The following ARL15 variants were observed in gnomAD, a reference collection of about 807,000 sequenced individuals.
ARL15 encodes ARF like GTPase 15, also known as ADP-ribosylation factor-like protein 15.
ARL15 carries 19 observed loss-of-function variants against 25.2 expected under a neutral mutation model. The ratio of observed to expected loss-of-function variants is 0.75; its 90% CI spans 0.53 to 1.10. The LOEUF (loss-of-function observed/expected upper bound fraction) is 1.10. ARL15 is among the 50% of genes least tolerant of loss of function. ARL15 has a pLI of 0.00. For missense variants in ARL15, 220 were observed against 246.0 expected, an observed-to-expected ratio of 0.89 and a Z score of 0.71; for synonymous variants, 94 against 86.8, an observed-to-expected ratio of 1.08 and a Z score of -0.46.
intron 1 of ARL15, among the ~76,000 whole-genome samples, chr5:54,298,602 TA>T (rs1758530036): frequency 6.6e-6 from 1 of 152,054 alleles, no homozygotes; most frequent in African/African-American, 2.4e-5. Flanking sequence ...GAATGTCTCA[TA>T]AAACATTCAT....
intron 4 of ARL15, among the ~76,000 whole-genome samples, chr5:54,060,153 C>G (rs1033372983): frequency 8.5e-6 from 1 of 117,388 alleles, no homozygotes; most frequent in Non-Finnish European, 1.7e-5. Context: ...AAAAAAAAAA[C>G]CCCGGGTGCG....
intron 1 of ARL15, among the ~76,000 whole-genome samples, chr5:54,256,113 T>C (rs1422922125): frequency 2.0e-5 from 3 of 150,408 alleles, no homozygotes; most frequent in African/African-American, 7.3e-5. Context: ...AAACAAAAGA[T>C]TAATAAAACA....
intron 1 of ARL15, among the ~76,000 whole-genome samples, chr5:54,281,490 G>A (rs1375161794): frequency 9.9e-5 from 15 of 152,202 alleles, no homozygotes; most frequent in Admixed American, 7.2e-4. Context: ...TCAACCTCAC[G>A]CTATTGACAT....
intron 1 of ARL15, among the ~76,000 whole-genome samples, chr5:54,198,376 C>T (rs1353134045): frequency 2.0e-5 from 3 of 151,672 alleles, no homozygotes; most frequent in Non-Finnish European, 2.9e-5. Context: ...GCAGACGACA[C>T]AATTGGATAT....
chr5:54,162,437 C>T (rs573129455), intron 2 of ARL15, among the ~76,000 whole-genome samples: 31 of 152,316 alleles, frequency 2.0e-4, no homozygotes, highest in South Asian at 8.3e-4. Flanking sequence ...TTCCTCCATA[C>T]ACTAGCAAAC....
intron 4 of ARL15, among the ~76,000 whole-genome samples, chr5:53,905,715 T>G (rs1745228391): frequency 6.6e-6 from 1 of 152,214 alleles, no homozygotes; most frequent in African/African-American, 2.4e-5. Flanking sequence ...TTTGGTAAAA[T>G]GCCAATTCCA....
intron 2 of ARL15, among the ~76,000 whole-genome samples, chr5:54,162,140 C>T (rs1012014971): frequency 4.6e-5 from 7 of 152,052 alleles, no homozygotes; most frequent in Non-Finnish European, 1.0e-4. Context: ...TGTGGATCCC[C>T]GATAACTAAA....
At chr5:54,216,287 C>A (rs1756203812) in intron 1 of ARL15, among the ~76,000 whole-genome samples, 1 of 152,130 alleles carries the variant, frequency 6.6e-6, no homozygotes, top group Non-Finnish European at 1.5e-5. Context: ...ATCATAGAGG[C>A]AGTGGTTTCA....
intron 4 of ARL15, among the ~76,000 whole-genome samples, chr5:53,976,968 A>T (rs1747945824): frequency 6.6e-6 from 1 of 152,250 alleles, no homozygotes; most frequent in Non-Finnish European, 1.5e-5. Context: ...TATAACAAAC[A>T]TAAATTAATT....
intron 4 of ARL15, among the ~76,000 whole-genome samples, chr5:54,028,293 A>G (rs1749853301): frequency 6.6e-6 from 1 of 152,172 alleles, no homozygotes; most frequent in African/African-American, 2.4e-5. Flanking sequence ...CATAACTGCA[A>G]TCGGTCAAAA....
chr5:54,067,491 T>C (rs1326574273), intron 4 of ARL15, among the ~76,000 whole-genome samples: 3 of 152,188 alleles, frequency 2.0e-5, no homozygotes, highest in Non-Finnish European at 4.4e-5. Context: ...TCTTCATTTA[T>C]TCAGTTACAT....
intron 4 of ARL15, among the ~76,000 whole-genome samples, chr5:54,111,068 A>G (rs986357341): frequency 6.6e-6 from 1 of 152,086 alleles, no homozygotes; most frequent in African/African-American, 2.4e-5. Context: ...TAATGGAATT[A>G]GCCCATGTAT....
At chr5:54,052,872 T>A (rs181222331) in intron 4 of ARL15, among the ~76,000 whole-genome samples, 4 of 152,194 alleles carry the variant, frequency 2.6e-5, no homozygotes, top group Non-Finnish European at 5.9e-5. Flanking sequence ...TGACCAGGGC[T>A]TCTTCAACAA....
At position 54,310,518 on chromosome 5, in the gene ARL15, A is replaced by G. The variant is rs1758870182; in HGVS notation, c.-39T>C. The G allele has an allele frequency of 1.9e-6, 3 of 1,557,132 alleles. No individual in the cohort carries two copies. Among genetic ancestry groups the G allele is most frequent in the South Asian group, 1.2e-5 (1 of 84,420 alleles). On this transcript the variant is annotated 5_prime_UTR_variant, in exon 1 of 5. Transcript: ENST00000504924. Reference sequence around the variant, plus strand: ...GCATCCGGAACGGCTCCGAACCCGGAAAAAAAAAGCAGCGTCTCTGGCTGC... The same window carrying G: ...GCATCCGGAACGGCTCCGAACCCGGGAAAAAAAAGCAGCGTCTCTGGCTGC...
intron 4 of ARL15, among the ~76,000 whole-genome samples, chr5:53,895,702 A>C (rs1744849397): frequency 6.6e-6 from 1 of 152,176 alleles, no homozygotes; most frequent in Non-Finnish European, 1.5e-5. Context: ...ATATCTTTTC[A>C]ATTTTAACAA....
rs116021492 is a variant in ARL15, at chr5:54,049,365, C to T, written c.462+63837G>A. On this transcript the variant is annotated intron_variant, in intron 4 of 4. Coordinates refer to ENST00000504924, the MANE Select transcript of ARL15 (RefSeq NM_019087.3). ...TTTCCACCCTAGCCTCCCAGTAAGT[C>T]CCTCAGCTGGGACTGCAGGCATGAG... is the stretch of plus-strand genomic sequence containing the variant. Among the ~76,000 whole-genome samples the T allele has an allele frequency of 7.1e-3, 1,072 of 151,540 alleles. 12 individuals carry two copies. Among genetic ancestry groups the T allele is most frequent in the African/African-American group, 0.025 (1,032 of 41,280 alleles).
At chr5:54,222,845 A>G (rs1756414510) in intron 1 of ARL15, among the ~76,000 whole-genome samples, 1 of 151,968 alleles carries the variant, frequency 6.6e-6, no homozygotes, top group Admixed American at 6.6e-5. Flanking sequence ...TTTTTTTGAG[A>G]CGGAGTCTCA....
At chr5:54,306,386 GTTAACT>G (rs1385490490) in intron 1 of ARL15, among the ~76,000 whole-genome samples, 4 of 136,582 alleles carry the variant, frequency 2.9e-5, no homozygotes, top group Middle Eastern at 3.6e-3. Context: ...ATCACAATAC[GTTAACT>G]TTTTTTTTTT....
At chr5:54,056,480 A>T (rs1478438149) in intron 4 of ARL15, among the ~76,000 whole-genome samples, 3 of 151,830 alleles carry the variant, frequency 2.0e-5, no homozygotes, top group Non-Finnish European at 4.4e-5. Context: ...AAAATAAAAA[A>T]TCAGCTGGGC....
Sources: allele counts gnomAD v4.1 joint callset (sites outside exome capture counted in the v4.1 genomes callset), GRCh38; gene constraint gnomAD v4.1.1; transcripts MANE v1.5; gene names NCBI Gene and HGNC (gene_info 2026-07-23, HGNC 2026-07-21).